The following ZFHX4 variants were observed in gnomAD, a reference collection of about 807,000 sequenced individuals.
ZFHX4 encodes the protein zinc finger homeobox 4.
A neutral mutation model predicts 267.6 loss-of-function variants in ZFHX4; 56 were observed. The ratio of observed to expected loss-of-function variants is 0.21; its 90% CI spans 0.17 to 0.26. The LOEUF is 0.26. Ranked by LOEUF, ZFHX4 falls within the 10% of genes least tolerant of loss-of-function variation. The pLI is 1.00. For missense variants in ZFHX4, 4,332 were observed against 4,420.0 expected (o/e 0.98, Z 0.56); for synonymous variants, 1,778 against 1,665.6 (o/e 1.07, Z -1.64).
chr8:76,831,992 G>T (rs1261343593), intron 4 of ZFHX4, among the ~76,000 whole-genome samples: 3 of 102,982 alleles, frequency 2.9e-5, no homozygotes, highest in East Asian at 3.8e-4. Context: ...TAACATAATG[G>T]TTTTTTTAGT....
At chr8:76,753,985 C>CA (rs1809696113) in intron 3 of ZFHX4, among the ~76,000 whole-genome samples, 1 of 152,064 alleles carries the variant, frequency 6.6e-6, no homozygotes, top group Admixed American at 6.6e-5. Flanking sequence ...GCTTTGGAAT[C>CA]ATACTGACAG....
At chr8:76,840,001 T>C (rs1481008165) in intron 5 of ZFHX4, among the ~76,000 whole-genome samples, 1 of 152,196 alleles carries the variant, frequency 6.6e-6, no homozygotes, top group Non-Finnish European at 1.5e-5. Flanking sequence ...TATTCTGACT[T>C]ATATGAAACT....
intron 3 of ZFHX4, among the ~76,000 whole-genome samples, chr8:76,776,393 TC>T (rs953717183): frequency 2.1e-4 from 32 of 152,180 alleles, no homozygotes; most frequent in African/African-American, 7.5e-4. Context: ...CACTCAGGCG[TC>T]CTGTGGCCTC....
Position 76,770,046 on chromosome 8 carries a change from C to T in ZFHX4, c.3094-8162C>T, listed in dbSNP as rs142349930. 4.7e-3 allele frequency among the ~76,000 whole-genome samples: 712 copies of T among 152,228 alleles called. 5 individuals are homozygous for T. The highest frequency in any genetic ancestry group is 0.02 in the Middle Eastern group (6 of 294). On this transcript the variant is annotated intron_variant, in intron 3 of 10. Transcript: ENST00000651372. The stretch of plus-strand genomic sequence containing the variant: ...TGAGTCTGGAGAGGCAAAATAAAGA[C>T]CAGGATTCCACCAGGCAAATGGGAA...
intron 3 of ZFHX4, among the ~76,000 whole-genome samples, chr8:76,718,374 T>C (rs1014358068): frequency 6.6e-6 from 1 of 152,194 alleles, no homozygotes. Context: ...TCCTGTGATA[T>C]CTTTTGAGAA....
At chr8:76,790,603 T>C (rs1810808131) in intron 4 of ZFHX4, among the ~76,000 whole-genome samples, 1 of 152,184 alleles carries the variant, frequency 6.6e-6, no homozygotes, top group African/African-American at 2.4e-5. Flanking sequence ...GGTTTAAAAC[T>C]AAAGCACTGA....
chr8:76,694,906 C>T (rs1033402492), intron 1 of ZFHX4, among the ~76,000 whole-genome samples: 11 of 151,762 alleles, frequency 7.2e-5, no homozygotes, highest in African/African-American at 2.2e-4. Context: ...GCCATCCTCC[C>T]GTGCAATCAC....
intron 1 of ZFHX4, among the ~76,000 whole-genome samples, chr8:76,695,130 G>A (rs1033888449): frequency 1.2e-4 from 19 of 152,234 alleles, no homozygotes; most frequent in African/African-American, 4.1e-4. Context: ...AAATGGGGAG[G>A]TGGGGGTCAT....
chr8:76,861,938 A>G (rs1812879301), intron 10 of ZFHX4, among the ~76,000 whole-genome samples: 1 of 152,082 alleles, frequency 6.6e-6, no homozygotes, highest in South Asian at 2.1e-4. Flanking sequence ...CCAGACCTCC[A>G]TCACAGTCCT....
intron 6 of ZFHX4, among the ~76,000 whole-genome samples, chr8:76,845,323 G>A (rs1050614666): frequency 1.7e-4 from 26 of 152,058 alleles, no homozygotes; most frequent in Non-Finnish European, 1.5e-5. Context: ...GCCCTGTGCA[G>A]TACAAGAATT....
intron 3 of ZFHX4, among the ~76,000 whole-genome samples, chr8:76,764,334 A>T (rs1809996697): frequency 6.6e-6 from 1 of 152,166 alleles, no homozygotes; most frequent in Non-Finnish European, 1.5e-5. Flanking sequence ...ACTTTTTTCA[A>T]GAATCTGAGA....
At chr8:76,821,875 A>G (rs1563541544) in intron 4 of ZFHX4, among the ~76,000 whole-genome samples, 2 of 152,056 alleles carry the variant, frequency 1.3e-5, no homozygotes, top group African/African-American at 2.4e-5. Context: ...CCCAGGCTCA[A>G]TCATGGACCC....
At chr8:76,682,243 C>T (rs1401404311) in intron 1 of ZFHX4, among the ~76,000 whole-genome samples, 1 of 152,222 alleles carries the variant, frequency 6.6e-6, no homozygotes, top group Non-Finnish European at 1.5e-5. Context: ...CCCTCCACCC[C>T]CCACCCCACC....
chr8:76,724,434 T>C (rs1480885422), intron 3 of ZFHX4, among the ~76,000 whole-genome samples: 1 of 152,122 alleles, frequency 6.6e-6, no homozygotes, highest in Non-Finnish European at 1.5e-5. Context: ...AAGTCATTGA[T>C]GGTATTACCC....
chr8:76,845,242 C>T (rs1403697429), intron 6 of ZFHX4, among the ~76,000 whole-genome samples: 2 of 151,998 alleles, frequency 1.3e-5, no homozygotes, highest in African/African-American at 2.4e-5. Context: ...AATAGAAAAG[C>T]CTTCTAATGC....
At position 76,852,335 on chromosome 8, in the gene ZFHX4, C is replaced by A. The variant is rs1812555374; in HGVS notation, c.5414C>A (p.Ala1805Asp). 6.4e-7 allele frequency: 1 copy of A among 1,553,452 alleles called. No homozygotes were observed. The change falls in exon 10 of 11, where the codon GCC becomes GAC. Residue 1805 changes from alanine (A) to aspartate (D), a missense_variant. By Grantham distance (126) the Ala-to-Asp change is moderately radical. Coordinates refer to ENST00000651372, the MANE Select transcript of ZFHX4 (RefSeq NM_024721.5). ...ILQQQAQQYQ[A>D]TQPQLQPQKQ... Reference sequence around the variant, plus strand: ...CAGCAACAAGCACAACAATACCAAGCCACACAGCCCCAGCTGCAGCCTCAA... The same window carrying A: ...CAGCAACAAGCACAACAATACCAAGACACACAGCCCCAGCTGCAGCCTCAA...
In ZFHX4 at chr8:76,850,253, C is replaced by T; in HGVS notation, c.3855C>T (p.Val1285=). The change falls in exon 9 of 11, where the codon GTC becomes GTT. Residue 1285 remains valine, a synonymous_variant. Coordinates refer to ENST00000651372, the MANE Select transcript of ZFHX4 (RefSeq NM_024721.5). The part of the protein sequence containing the change: ...CVEKLLMTVP[V]PDVMMPNSML... The stretch of plus-strand genomic sequence containing the variant: ...CCCTTTGGTTTCCAAAGGTGCCTGT[C>T]CCTGATGTGATGATGCCAAACAGTA... 1.9e-6 allele frequency: 3 copies of T among 1,612,088 alleles called. No individual in the cohort carries two copies. Among genetic ancestry groups the T allele is most frequent in the Non-Finnish European group, 2.5e-6 (3 of 1,179,266 alleles).
chr8:76,778,526 C>CA, intron 4 of ZFHX4, 87 bp downstream of exon 4: 2 of 1,103,970 alleles, frequency 1.8e-6, no homozygotes, highest in Non-Finnish European at 2.7e-6. Flanking sequence ...CACACACACG[C>CA]CTCAAACTCT....
chr8:76,855,074 A>C lies in ZFHX4; in HGVS notation c.8153A>C (p.Glu2718Ala). 6.2e-7 allele frequency: 1 copy of C among 1,613,936 alleles called. No individual in the cohort carries two copies. Among genetic ancestry groups the C allele is most frequent in the Non-Finnish European group, 8.5e-7 (1 of 1,179,870 alleles). ...CCACCAAGCCCTTTAATATCCACCG[A>C]AGATGGGGGAGAAAGCCCACAGAAA... is the stretch of plus-strand genomic sequence containing the variant. ...SLPPSPLIST[E>A]DGGESPQKYI... is the part of the protein sequence containing the mutation. Residue 2718 changes from glutamate to alanine, a missense_variant, in exon 10 of 11, where the codon GAA becomes GCA. By Grantham distance (107) the Glu-to-Ala change is moderately radical. This residue lies in a region of ZFHX4 where 1,648 missense variants were observed against 1,625.0 expected (regional missense o/e 1.01). Coordinates refer to ENST00000651372, the MANE Select transcript of ZFHX4 (RefSeq NM_024721.5).
Sources: gnomAD v4.1 joint callset for allele counts (sites outside exome capture counted in the v4.1 genomes callset) on GRCh38, gnomAD v4.1.1 for gene constraint, gnomAD v4.1.1 regional missense constraint, MANE v1.5 for transcripts, NCBI Gene and HGNC (gene_info 2026-07-23, HGNC 2026-07-21) for gene names.